The following GRIK2 variants were observed in gnomAD, a reference collection of about 807,000 sequenced individuals.
GRIK2 encodes glutamate ionotropic receptor kainate type subunit 2.
Under a neutral mutation model 100.3 loss-of-function variants are expected in GRIK2, and 32 were observed. The ratio of observed to expected loss-of-function variants is 0.32; its 90% CI spans 0.24 to 0.43. The LOEUF is 0.43. Ranked by LOEUF, GRIK2 falls within the 20% of genes least tolerant of loss-of-function variation. The pLI is 1.00. For synonymous variants in GRIK2, 417 were observed against 389.4 expected, an observed-to-expected ratio of 1.07 and a Z score of -0.83; for missense variants, 843 against 1,114.9, an observed-to-expected ratio of 0.76 and a Z score of 3.47.
intron 2 of GRIK2, among the ~76,000 whole-genome samples, chr6:101,508,752 G>T (rs1483791293): frequency 6.6e-6 from 1 of 152,136 alleles, no homozygotes; most frequent in Non-Finnish European, 1.5e-5. Flanking sequence ...GTTGAAAAGA[G>T]TGTCATATTT....
intron 2 of GRIK2, among the ~76,000 whole-genome samples, chr6:101,422,774 T>C (rs985553400): frequency 2.0e-5 from 3 of 152,168 alleles, no homozygotes; most frequent in Non-Finnish European, 2.9e-5. Context: ...TGACATGATT[T>C]AAGTATCATA....
Position 101,889,721 on chromosome 6 carries a change from C to G in GRIK2, c.1606C>G (p.Leu536Val), listed in dbSNP as rs1217209767. Residue 536 changes from leucine to valine, a missense_variant, in exon 12 of 17, where the codon CTT becomes GTT. Transcript: ENST00000369134. Reference protein sequence around the residue: ...VIDFSKPFMTLGISILYRKPN... With the variant: ...VIDFSKPFMTVGISILYRKPN... Reference sequence around the variant, plus strand: ...CGACTTTTCCAAGCCCTTTATGACACTTGGAATAAGTATTTTGTACCGCAA... The same window carrying G: ...CGACTTTTCCAAGCCCTTTATGACAGTTGGAATAAGTATTTTGTACCGCAA... 1 of 1,612,174 alleles carries G rather than the reference C, an allele frequency of 6.2e-7. No individual in the cohort carries two copies. The highest frequency in any genetic ancestry group is 8.5e-7 in the Non-Finnish European group (1 of 1,179,242).
chr6:101,577,024 A>C (rs937102931), intron 2 of GRIK2, among the ~76,000 whole-genome samples: 4 of 152,102 alleles, frequency 2.6e-5, no homozygotes, highest in African/African-American at 9.6e-5. Context: ...ACCTTGCTTA[A>C]GAAAGGTCTT....
chr6:101,778,940 G>A (rs1395141602), intron 7 of GRIK2, among the ~76,000 whole-genome samples: 1 of 152,034 alleles, frequency 6.6e-6, no homozygotes, highest in African/African-American at 2.4e-5. Context: ...TTTTGTAAAT[G>A]AAATCTAAGC....
intron 13 of GRIK2, 42 bp downstream of exon 13, chr6:101,924,761 C>T: frequency 8.1e-7 from 1 of 1,234,352 alleles, no homozygotes; most frequent in South Asian, 1.2e-5. Flanking sequence ...CACCATGTCC[C>T]ACTCTTTGCT....
chr6:101,867,839 A>G (rs1044485596), intron 11 of GRIK2, among the ~76,000 whole-genome samples: 4 of 151,536 alleles, frequency 2.6e-5, no homozygotes, highest in East Asian at 1.9e-4. Flanking sequence ...CCTAATAACA[A>G]TCTTCTGCTA....
chr6:101,786,726 A>G (rs1779445984), intron 7 of GRIK2, among the ~76,000 whole-genome samples: 1 of 152,056 alleles, frequency 6.6e-6, no homozygotes, highest in African/African-American at 2.4e-5. Context: ...ATCTATGTTC[A>G]CCAGGGATGT....
At chr6:101,637,761 A>G (rs1335310166) in intron 4 of GRIK2, among the ~76,000 whole-genome samples, 3 of 152,046 alleles carry the variant, frequency 2.0e-5, no homozygotes, top group African/African-American at 7.2e-5. Flanking sequence ...TGCCTCTCTG[A>G]TTTTAAATTT....
chr6:101,957,224 A>ATT (rs536634375), intron 14 of GRIK2, among the ~76,000 whole-genome samples: 50 of 151,410 alleles, frequency 3.3e-4, no homozygotes, highest in African/African-American at 1.1e-3. Flanking sequence ...TGTGGTTTTA[A>ATT]TTTGCATTTC....
chr6:101,558,291 C>T (rs898727981), intron 2 of GRIK2, among the ~76,000 whole-genome samples: 6 of 152,082 alleles, frequency 3.9e-5, no homozygotes, highest in African/African-American at 7.2e-5. Flanking sequence ...GGCTAAGGCC[C>T]GCATATGCCA....
intron 11 of GRIK2, among the ~76,000 whole-genome samples, chr6:101,883,254 A>G (rs73761464): frequency 0.074 from 11,126 of 149,642 alleles, 1,075 homozygotes; most frequent in African/African-American, 0.23. Context: ...AAAAAAATCA[A>G]TGAAAATACA....
rs575296985 is a variant in GRIK2 at position 101,591,877 on chromosome 6, G to T, written c.116-30072G>T. 2.4e-4 allele frequency among the ~76,000 whole-genome samples: 37 copies of T among 152,084 alleles called. 1 individual carries two copies. The South Asian group carries it at 7.5e-3, about 31-fold the overall frequency. ...CATTGGTGATATGGTTTGGATGTGT[G>T]TCCCCTCTAAATCTCATGTTGAAAT... is the stretch of plus-strand genomic sequence containing the variant. On this transcript the variant is annotated intron_variant, in intron 2 of 16. Coordinates refer to ENST00000369134, the MANE Select transcript of GRIK2 (RefSeq NM_021956.5).
Position 101,920,086 on chromosome 6 carries a change from G to A in GRIK2, c.1749-4515G>A, listed in dbSNP as rs531518245. The stretch of plus-strand genomic sequence containing the variant: ...ATTCAATTACAATATAATGGAAAAG[G>A]GAAAAGATGTGCATTAATTTATAGT... On this transcript the variant is annotated intron_variant, in intron 12 of 16. Coordinates refer to ENST00000369134, the MANE Select transcript of GRIK2 (RefSeq NM_021956.5). Among the ~76,000 whole-genome samples, 6 of 151,970 alleles carry A rather than the reference G, an allele frequency of 3.9e-5. No individual in the cohort carries two copies. In the South Asian group the frequency reaches 1.2e-3, roughly 32 times the overall value.
intron 4 of GRIK2, among the ~76,000 whole-genome samples, chr6:101,629,424 C>T (rs1016558016): frequency 2.0e-5 from 3 of 151,904 alleles, no homozygotes; most frequent in African/African-American, 7.3e-5. Flanking sequence ...AGTTAAATGC[C>T]ACGAAAGGAA....
rs144671149 is a variant in GRIK2 at position 102,039,539 on chromosome 6, C to T, written c.2311+3973C>T. 8.3e-4 allele frequency among the ~76,000 whole-genome samples: 125 copies of T among 151,442 alleles called. 1 individual carries two copies. Among genetic ancestry groups the T allele is most frequent in the Middle Eastern group, 6.8e-3 (2 of 294 alleles). On this transcript the variant is annotated intron_variant, in intron 15 of 16. Transcript: ENST00000369134. ...ATGTCTAAATTGTGTGAGCAGGTGC[C>T]GTCTTGTCTCTTATTTCACCATAGG...
chr6:101,692,797 C>G (rs1772203002), intron 7 of GRIK2, among the ~76,000 whole-genome samples: 1 of 151,922 alleles, frequency 6.6e-6, no homozygotes, highest in African/African-American at 2.4e-5. Context: ...GTTGTTACCA[C>G]AGAAAAAACA....
chr6:101,398,296 A>C (rs1775097311), intron 1 of GRIK2, among the ~76,000 whole-genome samples: 2 of 152,220 alleles, frequency 1.3e-5, no homozygotes, highest in African/African-American at 2.4e-5. Context: ...CTTTGAGCTT[A>C]AAAAATGGGT....
intron 7 of GRIK2, among the ~76,000 whole-genome samples, chr6:101,726,300 G>C (rs1425419824): frequency 1.3e-5 from 2 of 152,010 alleles, no homozygotes. Context: ...GATAGTGTCT[G>C]TTGATTCAGA....
At chr6:101,621,847 G>A (rs905571253) in intron 2 of GRIK2, 102 bp from the exon 3 acceptor site, 5 of 771,588 alleles carry the variant, frequency 6.5e-6, no homozygotes, top group African/African-American at 3.5e-5. Flanking sequence ...AAATGCACTT[G>A]CACATATATA....
Sources: allele counts gnomAD v4.1 joint callset (sites outside exome capture counted in the v4.1 genomes callset), GRCh38; gene constraint gnomAD v4.1.1; transcripts MANE v1.5; gene names NCBI Gene and HGNC (gene_info 2026-07-23, HGNC 2026-07-21).